NTM: variants seen among roughly 807,000 people sequenced by gnomAD.
NTM encodes the protein IgLON family member 2.
Under a neutral mutation model 42.1 loss-of-function variants are expected in NTM, and 13 were observed. The ratio of observed to expected loss-of-function variants is 0.31; its 90% CI spans 0.20 to 0.49. The LOEUF (loss-of-function observed/expected upper bound fraction) is 0.49. Ranked by LOEUF, NTM falls within the 20% of genes least tolerant of loss-of-function variation. The pLI is 0.99. For synonymous variants in NTM, 187 were observed against 179.2 expected (o/e 1.04, Z -0.35); for missense variants, 373 against 452.8 (o/e 0.82, Z 1.60).
intron 3 of NTM, among the ~76,000 whole-genome samples, chr11:132,203,649 T>C (rs1327663455): frequency 6.6e-6 from 1 of 152,166 alleles, no homozygotes; most frequent in Non-Finnish European, 1.5e-5. Context: ...CCCAGCACTT[T>C]GGGAGGCTGA....
intron 2 of NTM, among the ~76,000 whole-genome samples, chr11:132,108,763 T>C (rs1033746600): frequency 4.6e-5 from 7 of 152,164 alleles, no homozygotes; most frequent in Non-Finnish European, 7.3e-5. Flanking sequence ...GTGCAGGTTT[T>C]TTACATAGGT....
In NTM at chr11:132,244,690, A is replaced by C. The variant is rs141172530; in HGVS notation, c.526+32543A>C. Among the ~76,000 whole-genome samples, 798 of 152,292 alleles carry C rather than the reference A, an allele frequency of 5.2e-3. 7 individuals are homozygous for C. Among genetic ancestry groups the C allele is most frequent in the African/African-American group, 0.017 (725 of 41,562 alleles). The stretch of plus-strand genomic sequence containing the variant: ...CAAAACCACACTAGCTTCTCTGTAC[A>C]TAGGAGCTATTCACAACGCAGGTGC... On this transcript the variant is annotated intron_variant, in intron 4 of 8. Transcript: ENST00000683400.
intron 2 of NTM, among the ~76,000 whole-genome samples, chr11:131,940,110 T>G (rs1348375242): frequency 6.6e-6 from 1 of 152,214 alleles, no homozygotes; most frequent in African/African-American, 2.4e-5. Flanking sequence ...GTTTTTAGTC[T>G]CACTGAAGAT....
intron 2 of NTM, among the ~76,000 whole-genome samples, chr11:131,927,924 T>C (rs1219453117): frequency 1.3e-5 from 2 of 152,090 alleles, no homozygotes; most frequent in African/African-American, 4.8e-5. Flanking sequence ...GCATGAAACA[T>C]GTGAATTGAG....
At chr11:131,603,464 T>C (rs1004743927) in intron 1 of NTM, among the ~76,000 whole-genome samples, 3 of 152,158 alleles carry the variant, frequency 2.0e-5, no homozygotes, top group East Asian at 3.9e-4. Flanking sequence ...GTGGCTTCCG[T>C]TACTGCCATC....
chr11:132,129,443 G>A (rs1369883651), intron 2 of NTM, among the ~76,000 whole-genome samples: 5 of 152,160 alleles, frequency 3.3e-5, no homozygotes, highest in South Asian at 2.1e-4. Context: ...CCAATCAGCC[G>A]ATGTATCAGA....
intron 1 of NTM, among the ~76,000 whole-genome samples, chr11:131,569,500 T>C (rs958410141): frequency 8.5e-5 from 13 of 152,184 alleles, no homozygotes; most frequent in Non-Finnish European, 1.3e-4. Flanking sequence ...TTCATATGTC[T>C]TTTAATGACA....
chr11:132,024,099 T>C (rs1251302139), intron 2 of NTM, among the ~76,000 whole-genome samples: 2 of 152,078 alleles, frequency 1.3e-5, no homozygotes, highest in Non-Finnish European at 2.9e-5. Context: ...ATTACAGGTG[T>C]GAGCTACTGC....
At chr11:131,700,900 G>A (rs2658862) in intron 1 of NTM, among the ~76,000 whole-genome samples, 30,056 of 152,116 alleles carry the variant, frequency 0.2, 3,211 homozygotes, top group African/African-American at 0.26. Flanking sequence ...GTGGCTGCAG[G>A]TTTTGTCTCT....
chr11:132,312,291 G>C (rs943033747), intron 6 of NTM: 1 of 152,272 alleles, frequency 6.6e-6, no homozygotes, highest in African/African-American at 2.4e-5. Flanking sequence ...AAACTGTGTG[G>C]TGAGGACAGG....
intron 2 of NTM, among the ~76,000 whole-genome samples, chr11:132,038,005 G>T (rs1354614512): frequency 1.3e-5 from 2 of 152,214 alleles, no homozygotes; most frequent in Non-Finnish European, 2.9e-5. Context: ...AGGCAGATCT[G>T]CAAACAAAAT....
At chr11:132,276,886 C>G (rs2093746493) in intron 4 of NTM, among the ~76,000 whole-genome samples, 1 of 152,108 alleles carries the variant, frequency 6.6e-6, no homozygotes, top group African/African-American at 2.4e-5. Flanking sequence ...ATGCTGAGTC[C>G]TATGACTATC....
chr11:131,762,122 C>T (rs747673495), intron 1 of NTM, among the ~76,000 whole-genome samples: 1 of 152,220 alleles, frequency 6.6e-6, no homozygotes, highest in Non-Finnish European at 1.5e-5. Context: ...GACTAATACA[C>T]CAGGTTCATT....
chr11:131,676,426 G>A (rs2071397666), intron 1 of NTM, among the ~76,000 whole-genome samples: 1 of 151,532 alleles, frequency 6.6e-6, no homozygotes, highest in South Asian at 2.1e-4. Context: ...TAGCACTGAG[G>A]GTGTGTGTAT....
At chr11:131,746,188 A>T (rs2081800296) in intron 1 of NTM, among the ~76,000 whole-genome samples, 1 of 152,140 alleles carries the variant, frequency 6.6e-6, no homozygotes, top group South Asian at 2.1e-4. Context: ...AAACAACAAC[A>T]AAAATCCTCC....
intron 1 of NTM, among the ~76,000 whole-genome samples, chr11:131,804,485 C>T (rs189873273): frequency 6.6e-6 from 1 of 152,172 alleles, no homozygotes; most frequent in Admixed American, 6.5e-5. Flanking sequence ...TGAACATCCA[C>T]ACTCAGTGAG....
chr11:131,620,612 C>T (rs1266347330), intron 1 of NTM, among the ~76,000 whole-genome samples: 1 of 152,202 alleles, frequency 6.6e-6, no homozygotes, highest in African/African-American at 2.4e-5. Context: ...AGGGCCTTGG[C>T]ACCTGCTGTT....
At chr11:131,658,464 G>A (rs570527089) in intron 1 of NTM, among the ~76,000 whole-genome samples, 11 of 152,108 alleles carry the variant, frequency 7.2e-5, no homozygotes, top group Admixed American at 3.9e-4. Flanking sequence ...TCTTACATTC[G>A]TGAACCTACA....
At chr11:132,040,692 T>C (rs979715577) in intron 2 of NTM, among the ~76,000 whole-genome samples, 8 of 152,360 alleles carry the variant, frequency 5.3e-5, no homozygotes, top group South Asian at 2.1e-4. Context: ...ATAACACTTA[T>C]AGCCATTAAA....
Sources: gnomAD v4.1 joint callset for allele counts (sites outside exome capture counted in the v4.1 genomes callset) on GRCh38, gnomAD v4.1.1 for gene constraint, MANE v1.5 for transcripts, NCBI Gene and HGNC (gene_info 2026-07-23, HGNC 2026-07-21) for gene names.